Variants in FTSJ3 observed in about 807,000 individuals in gnomAD.
FTSJ3 encodes pre-rRNA 2'-O-ribose RNA methyltransferase FTSJ3.
FTSJ3 carries 46 observed loss-of-function variants against 111.5 expected under a neutral mutation model. The ratio of observed to expected loss-of-function variants is 0.41; its 90% confidence interval spans 0.33 to 0.53. The LOEUF is 0.53. FTSJ3 is among the 20% of genes least tolerant of loss of function. The pLI is 0.19. For missense variants in FTSJ3, 1,075 were observed against 1,063.8 expected, an observed-to-expected ratio of 1.01 and a Z score of -0.15; for synonymous variants, 408 against 383.0, an observed-to-expected ratio of 1.07 and a Z score of -0.76.
intron 10 of FTSJ3, 54 bp downstream of exon 10, chr17:63,824,583 T>C: frequency 6.7e-7 from 1 of 1,489,766 alleles, no homozygotes; most frequent in South Asian, 1.1e-5. Context: ...TCCAACATCA[T>C]GGCCTTTCCC....
Position 63,823,828 on chromosome 17 carries a change from G to A in FTSJ3, c.1279C>T (p.Arg427Trp), listed in dbSNP as rs755957588. ...ETGMFSLSTI[R>W]GHQLLEEVTQ... ...CAATGCCGCCTCACCTGGTGACCCC[G>A]GATGGTGCTCAAGGAGAACATGCCA... Residue 427 changes from arginine to tryptophan, a missense_variant, in exon 13 of 21, where the codon CGG becomes TGG. Arg to Trp is a moderately radical substitution (Grantham distance 101). Around this residue, in one of 2 missense-constraint regions of FTSJ3, gnomAD observed 867 missense variants for 796.9 expected, o/e 1.09. Transcript: ENST00000427159. The A allele has an allele frequency of 1.5e-5, 25 of 1,613,740 alleles. No homozygotes were observed. The highest frequency in any genetic ancestry group is 1.9e-5 in the Non-Finnish European group (22 of 1,179,974).
rs2040123831 is a variant in FTSJ3 at position 63,827,553 on chromosome 17, C to T, written c.-528G>A. ...AGTGGCGGCCCGGCAGGTTACGGGG[C>T]TGGGTGCGGAGCGAGCGTGATCTGA... On this transcript the variant is annotated 5_prime_UTR_variant, in exon 1 of 21. Coordinates refer to ENST00000427159, the MANE Select transcript of FTSJ3 (RefSeq NM_017647.4). The T allele has an allele frequency of 6.5e-7, 1 of 1,550,108 alleles. No individual in the cohort carries two copies. The highest frequency in any genetic ancestry group is 8.7e-7 in the Non-Finnish European group (1 of 1,146,760).
intron 12 of FTSJ3, 58 bp downstream of exon 12, chr17:63,824,026 C>T: frequency 6.2e-7 from 1 of 1,613,576 alleles, no homozygotes; most frequent in Non-Finnish European, 8.5e-7. Context: ...TTTTCTTCTC[C>T]CATCTTCACA....
intron 3 of FTSJ3, 129 bp from the exon 4 acceptor site, chr17:63,826,433 C>T (rs1040968633): frequency 9.3e-6 from 11 of 1,181,862 alleles, no homozygotes; most frequent in Non-Finnish European, 1.4e-5. Flanking sequence ...AGCCCTTTCT[C>T]TGCAATCAAG....
intron 13 of FTSJ3, among the ~76,000 whole-genome samples, chr17:63,822,435 C>T (rs758109762): frequency 8.5e-5 from 13 of 152,132 alleles, no homozygotes; most frequent in African/African-American, 3.1e-4. Context: ...ACCTACAGCC[C>T]ACATAGCACC....
Position 63,824,631 on chromosome 17 carries a change from C to T in FTSJ3, c.917+6G>A. 6.2e-7 allele frequency: 1 copy of T among 1,611,606 alleles called. No individual in the cohort carries two copies. The highest frequency in any genetic ancestry group is 8.5e-7 in the Non-Finnish European group (1 of 1,177,682). Reference sequence around the variant, plus strand: ...TCCTGGCCCCCGTGCCTACCCCACTCCATACCTGAGCTCCTTGCGCCCCAA... The same window carrying T: ...TCCTGGCCCCCGTGCCTACCCCACTTCATACCTGAGCTCCTTGCGCCCCAA... On this transcript the variant is annotated splice_donor_region_variant and intron_variant, in intron 10 of 20. Coordinates refer to ENST00000427159, the MANE Select transcript of FTSJ3 (RefSeq NM_017647.4).
rs2040045989 is a variant in FTSJ3 at position 63,821,086 on chromosome 17, C to G, written c.1916G>C (p.Ser639Thr). 6.2e-7 allele frequency: 1 copy of G among 1,614,070 alleles called. No individual in the cohort carries two copies. The highest frequency in any genetic ancestry group is 1.3e-5 in the African/African-American group (1 of 74,924). Residue 639 changes from serine (S) to threonine (T), a missense_variant, in exon 17 of 21, where the codon AGC becomes ACC. Coordinates refer to ENST00000427159, the MANE Select transcript of FTSJ3 (RefSeq NM_017647.4). Reference sequence around the variant, plus strand: ...GTCATCATCTGACTTAGGCCCACGGCTTCGCTTCTTACCACGGAGGGGTTC... The same window carrying G: ...GTCATCATCTGACTTAGGCCCACGGGTTCGCTTCTTACCACGGAGGGGTTC... ...SWEPLRGKKRSRGPKSDDDGF... is the reference protein window; with the variant it reads ...SWEPLRGKKRTRGPKSDDDGF...
chr17:63,822,072 C>A lies in FTSJ3; in HGVS notation c.1387G>T (p.Asp463Tyr). Reference protein sequence around the residue: ...DDIYVSDVEDDGDDTSLDSDL... With the variant: ...DDIYVSDVEDYGDDTSLDSDL... ...CTATCCAGAGATGTGTCATCACCGTCGTCCTCAACATCTGACACATAGATA... is the reference window on the plus strand; with the variant it reads ...CTATCCAGAGATGTGTCATCACCGTAGTCCTCAACATCTGACACATAGATA... The change falls in exon 14 of 21, where the codon GAC becomes TAC. Residue 463 changes from aspartate to tyrosine, a missense_variant. Physicochemically the swap from Asp to Tyr is radical, Grantham distance 160. This residue lies in a region of FTSJ3 where 867 missense variants were observed against 796.9 expected (regional missense o/e 1.09). Transcript: ENST00000427159. 1 of 1,614,180 alleles carries A rather than the reference C, an allele frequency of 6.2e-7. No homozygotes were observed. The highest frequency in any genetic ancestry group is 1.7e-5 in the Admixed American group (1 of 60,028).
chr17:63,825,019 C>T lies in FTSJ3; in HGVS notation c.711+29G>A, dbSNP rs767732474. On this transcript the variant is annotated intron_variant, in intron 8 of 20. Transcript: ENST00000427159. ...CCAACCTCCCTAGAGTTCCAGGACC[C>T]AAGAGTGACCCCATTCCCCAAAACA... 6.2e-6 allele frequency: 10 copies of T among 1,605,064 alleles called. No individual in the cohort carries two copies. In the African/African-American group the frequency reaches 6.7e-5, roughly 11 times the overall value.
chr17:63,821,209 G>T, intron 16 of FTSJ3, 94 bp from the exon 17 acceptor site: 4 of 1,522,200 alleles, frequency 2.6e-6, no homozygotes, highest in Non-Finnish European at 3.6e-6. Flanking sequence ...CATGCAGGCT[G>T]TACCCCAGAC....
chr17:63,823,821 T>G lies in FTSJ3; in HGVS notation c.1286A>C (p.His429Pro). The change falls in exon 13 of 21, where the codon CAC becomes CCC. Residue 429 changes from histidine (H) to proline (P), a missense_variant. His to Pro is a moderately conservative substitution (Grantham distance 77). This residue lies in a region of FTSJ3 where 867 missense variants were observed against 796.9 expected (regional missense o/e 1.09). Coordinates refer to ENST00000427159, the MANE Select transcript of FTSJ3 (RefSeq NM_017647.4). ...GCACCCCCAATGCCGCCTCACCTGGTGACCCCGGATGGTGCTCAAGGAGAA... is the reference window on the plus strand; with the variant it reads ...GCACCCCCAATGCCGCCTCACCTGGGGACCCCGGATGGTGCTCAAGGAGAA... ...GMFSLSTIRG[H>P]QLLEEVTQGD... is the part of the protein sequence containing the mutation. 2 of 1,613,932 alleles carry G rather than the reference T, an allele frequency of 1.2e-6. No homozygotes were observed. The highest frequency in any genetic ancestry group is 1.7e-6 in the Non-Finnish European group (2 of 1,179,948).
intron 13 of FTSJ3, among the ~76,000 whole-genome samples, chr17:63,822,665 C>G (rs549754506): frequency 3.9e-5 from 6 of 152,088 alleles, no homozygotes; most frequent in Non-Finnish European, 7.4e-5. Flanking sequence ...TGGCTCACAC[C>G]TGTAATCTCA....
At position 63,820,344 on chromosome 17, in the gene FTSJ3, CCTT is replaced by C. The variant is rs769328765; in HGVS notation, c.2164_2166del (p.Lys722del). The C allele has an allele frequency of 2.9e-5, 46 of 1,614,008 alleles. No individual in the cohort carries two copies. Among genetic ancestry groups the C allele is most frequent in the Non-Finnish European group, 3.6e-5 (43 of 1,180,044 alleles). On this transcript the variant is annotated inframe_deletion, in exon 19 of 21. Transcript: ENST00000427159. ...CAGCGTTTCCGGTAATGCTCCACCT[CCTT>C]CTTACCAACAGGCAACTGTCGTATC...
intron 5 of FTSJ3, 107 bp from the exon 6 acceptor site, chr17:63,825,742 G>T: frequency 1.1e-6 from 1 of 910,918 alleles, no homozygotes; most frequent in Non-Finnish European, 1.7e-6. Flanking sequence ...GCCAAATGCA[G>T]TACCAGGCAC....
chr17:63,820,360 C>T lies in FTSJ3; in HGVS notation c.2151G>A (p.Leu717=), dbSNP rs2040037531. ...QEEKQHRIRQ[L]PVGKKEVEHY... ...GCTCCACCTCCTTCTTACCAACAGG[C>T]AACTGTCGTATCCGGTGCTGCTTTT... The change falls in exon 19 of 21, where the codon TTG becomes TTA. Residue 717 remains leucine, a synonymous_variant. Coordinates refer to ENST00000427159, the MANE Select transcript of FTSJ3 (RefSeq NM_017647.4). 1 of 1,614,072 alleles carries T rather than the reference C, an allele frequency of 6.2e-7. No individual in the cohort carries two copies. Among genetic ancestry groups the T allele is most frequent in the Admixed American group, 1.7e-5 (1 of 60,006 alleles).
At position 63,825,309 on chromosome 17, in the gene FTSJ3, G is replaced by A. The variant is rs2040087575; in HGVS notation, c.528C>T (p.Arg176=). Residue 176 remains arginine (R), a synonymous_variant, in exon 7 of 21, where the codon CGC becomes CGT. Transcript: ENST00000427159. ...CTTGGGGCTTGGTGGCCTGGACACG[G>A]CGGAACAGCTGCTGAAAGATCCATA... The part of the protein sequence containing the change: ...PLLWIFQQLF[R]RVQATKPQAS... 6.2e-7 allele frequency: 1 copy of A among 1,614,086 alleles called. No individual in the cohort carries two copies.
intron 13 of FTSJ3, 123 bp downstream of exon 13, chr17:63,823,694 T>C: frequency 1.9e-6 from 2 of 1,075,044 alleles, no homozygotes; most frequent in Non-Finnish European, 2.7e-6. Flanking sequence ...AGGCACCCTG[T>C]GGTGAAGACA....
Position 63,826,905 on chromosome 17 carries a change from T to C in FTSJ3, c.-3A>G. ...CCAACTTTGCCCTTCTTGCCCATGG[T>C]GGAAAGGGGGAGTATCCCTCAATCT... On this transcript the variant is annotated 5_prime_UTR_variant, in exon 2 of 21. Coordinates refer to ENST00000427159, the MANE Select transcript of FTSJ3 (RefSeq NM_017647.4). 1 of 1,613,252 alleles carries C rather than the reference T, an allele frequency of 6.2e-7. No individual in the cohort carries two copies.
In FTSJ3 at chr17:63,825,537, T is replaced by C; in HGVS notation, c.399A>G (p.Gln133=). ...GASWVHDAYS[Q]AHLTLMALRL... is the part of the protein sequence containing the mutation. ...CTCCAAGCACCACACTCCCTGTACC[T>C]TGTGAGTAAGCATCATGGACCCAGC... Residue 133 remains glutamine, a splice_region_variant and synonymous_variant, in exon 6 of 21, where the codon CAA becomes CAG. Transcript: ENST00000427159. 6.2e-7 allele frequency: 1 copy of C among 1,613,866 alleles called. No individual in the cohort carries two copies. Among genetic ancestry groups the C allele is most frequent in the Non-Finnish European group, 8.5e-7 (1 of 1,179,760 alleles).
Sources: gnomAD v4.1 joint callset for allele counts (sites outside exome capture counted in the v4.1 genomes callset) on GRCh38, gnomAD v4.1.1 for gene constraint, gnomAD v4.1.1 regional missense constraint, MANE v1.5 for transcripts, NCBI Gene and HGNC (gene_info 2026-07-23, HGNC 2026-07-21) for gene names.